MADD: variants seen among roughly 807,000 people sequenced by gnomAD.
The protein encoded by MADD is MAP kinase activating death domain.
A neutral mutation model predicts 176.7 loss-of-function variants in MADD; 109 were observed. That is an observed-to-expected ratio of 0.62 (90% CI 0.53 to 0.72). The LOEUF is 0.72. Ranked by LOEUF, MADD falls within the 30% of genes least tolerant of loss-of-function variation. The pLI, the probability that MADD is intolerant of heterozygous loss-of-function variation, is 0.00. For missense variants in MADD, 1,914 were observed against 2,045.5 expected, an observed-to-expected ratio of 0.94 and a Z score of 1.24; for synonymous variants, 771 against 771.3, an observed-to-expected ratio of 1.00 and a Z score of 0.01.
At chr11:47,327,334 T>C in intron 31 of MADD, 1 of 988,456 alleles carries the variant, frequency 1.0e-6, no homozygotes, top group Non-Finnish European at 1.2e-6. Context: ...GAGCCAGCGC[T>C]AGGGAGTGGT....
chr11:47,275,941 G>A, exon 4 of MADD: 1 of 1,613,734 alleles, frequency 6.2e-7, no homozygotes. Flanking sequence ...TGCTGGTAGA[G>A]GAGAAGTCAA....
rs192160235 is a variant in MADD at position 47,287,232 on chromosome 11, G to A, written c.2653+698G>A. Among the ~76,000 whole-genome samples the A allele has an allele frequency of 8.6e-3, 1,313 of 152,246 alleles. 69 individuals carry two copies. Among genetic ancestry groups the A allele is most frequent in the Admixed American group, 0.076 (1,163 of 15,290 alleles). ...AGCTACTTGGGAGGCTGAGGCAGGA[G>A]AATCGCTTGAATCCAGGAGGCGGAG... On this transcript the variant is annotated intron_variant, in intron 15 of 32. Coordinates refer to ENST00000402192, the Ensembl canonical transcript of MADD.
At position 47,278,294 on chromosome 11, in the gene MADD, G is replaced by T. The variant is rs1323115077; in HGVS notation, c.1209+16G>T. 1 of 1,576,518 alleles carries T rather than the reference G, an allele frequency of 6.3e-7. No homozygotes were observed. The highest frequency in any genetic ancestry group is 1.1e-5 in the South Asian group (1 of 90,234). On this transcript the variant is annotated intron_variant, in intron 6 of 32. Transcript: ENST00000402192. ...CAGCAATAGGGTGAGGTTCTTGGCT[G>T]AGGCATTGTAGAGTCTAGAGGAGGA...
At chr11:47,318,789 ATTTTTTTTTTTTTTTTTTTTTTT>A (rs57548484) in intron 27 of MADD, among the ~76,000 whole-genome samples, 1 of 82,458 alleles carries the variant, frequency 1.2e-5, no homozygotes, top group East Asian at 4.1e-4. Flanking sequence ...CAGTTTGGGA[ATTTTTTTTTTTTTTTTTTTTTTT>A]TTTTTTTTTT....
At chr11:47,295,053 G>A (rs1184140478) in intron 20 of MADD, among the ~76,000 whole-genome samples, 2 of 148,508 alleles carry the variant, frequency 1.3e-5, no homozygotes, top group African/African-American at 5.0e-5. Flanking sequence ...TTCTGTCGCT[G>A]CAGCTGGAGA....
intron 7 of MADD, among the ~76,000 whole-genome samples, chr11:47,281,136 G>A (rs538915557): frequency 5.3e-5 from 8 of 152,354 alleles, no homozygotes; most frequent in Non-Finnish European, 1.0e-4. Context: ...CTGAGGGGCC[G>A]ATTTAGCTTG....
exon 28 of MADD, chr11:47,323,738 A>G (rs199968112): frequency 7.4e-6 from 12 of 1,614,184 alleles, no homozygotes; most frequent in Non-Finnish European, 1.0e-5. Context: ...TGGTACGAGA[A>G]GCTCATCAAC....
At chr11:47,300,853 G>C (rs1287042226) in intron 22 of MADD, among the ~76,000 whole-genome samples, 1 of 152,044 alleles carries the variant, frequency 6.6e-6, no homozygotes, top group African/African-American at 2.4e-5. Flanking sequence ...GACTATTCAG[G>C]TTTCTGTTTC....
exon 3 of MADD, chr11:47,274,975 G>A (rs1360390281): frequency 1.2e-6 from 2 of 1,614,002 alleles, no homozygotes; most frequent in Non-Finnish European, 1.7e-6. Flanking sequence ...GTCTCCTCGG[G>A]GCAAACGCCG....
intron 9 of MADD, 62 bp downstream of exon 9, chr11:47,282,678 A>AT (rs2057800555): frequency 6.3e-7 from 1 of 1,593,676 alleles, no homozygotes; most frequent in Non-Finnish European, 8.6e-7. Context: ...ATGGACTTTG[A>AT]TTTTTCCTTT....
Position 47,324,253 on chromosome 11 carries a change from C to A in MADD, c.4363-12C>A, listed in dbSNP as rs780984999. Reference sequence around the variant, plus strand: ...GCCCTCATGATGGGACCACTCTCCCCCTGTGCCACAGTGTCGGGAGCTGTA... The same window carrying A: ...GCCCTCATGATGGGACCACTCTCCCACTGTGCCACAGTGTCGGGAGCTGTA... On this transcript the variant is annotated splice_polypyrimidine_tract_variant and intron_variant, in intron 28 of 32. Coordinates refer to ENST00000402192, the Ensembl canonical transcript of MADD. The A allele has an allele frequency of 2.5e-6, 4 of 1,613,558 alleles. No individual in the cohort carries two copies. The Admixed American group carries it at 5.0e-5, about 20-fold the overall frequency.
At chr11:47,294,149 A>C (rs933182932) in intron 20 of MADD, among the ~76,000 whole-genome samples, 166 bp downstream of exon 22, 17 of 151,878 alleles carry the variant, frequency 1.1e-4, no homozygotes, top group African/African-American at 4.1e-4. Flanking sequence ...CGGGAGTTCG[A>C]GACCAGCCTG....
chr11:47,300,246 G>C (rs2076609391), intron 22 of MADD, among the ~76,000 whole-genome samples: 1 of 131,482 alleles, frequency 7.6e-6, no homozygotes, highest in Non-Finnish European at 1.6e-5. Flanking sequence ...TTGCTCTGTT[G>C]CCCAGGCTGG....
intron 26 of MADD, among the ~76,000 whole-genome samples, chr11:47,312,362 C>T (rs1281520117): frequency 6.6e-6 from 1 of 152,188 alleles, no homozygotes; most frequent in African/African-American, 2.4e-5. Context: ...GATTCTCATG[C>T]CTCAGCCTCC....
intron 22 of MADD, among the ~76,000 whole-genome samples, chr11:47,301,278 A>G (rs2077584311): frequency 6.6e-6 from 1 of 151,736 alleles, no homozygotes. Flanking sequence ...ACAACCGGCT[A>G]AATTTTTTTT....
At chr11:47,289,234 T>G (rs2063228622) in intron 15 of MADD, among the ~76,000 whole-genome samples, 157 bp from the exon 17 acceptor site, 1 of 152,104 alleles carries the variant, frequency 6.6e-6, no homozygotes, top group South Asian at 2.1e-4. Context: ...TCCTCCACAT[T>G]GCCATGGCTG....
intron 7 of MADD, among the ~76,000 whole-genome samples, chr11:47,280,712 A>C (rs1272978085): frequency 1.3e-5 from 2 of 152,120 alleles, no homozygotes; most frequent in African/African-American, 2.4e-5. Flanking sequence ...TTCCAGGCAC[A>C]CACCACTGTG....
Position 47,325,690 on chromosome 11 carries a change from C to T in MADD, c.4543-1048C>T, listed in dbSNP as rs1290462168. Among the ~76,000 whole-genome samples, 1 of 152,246 alleles carries T rather than the reference C, an allele frequency of 6.6e-6. No individual in the cohort carries two copies. The highest frequency in any genetic ancestry group is 1.5e-5 in the Non-Finnish European group (1 of 68,044). On this transcript the variant is annotated intron_variant, in intron 30 of 32. Transcript: ENST00000402192. This position sits in a 1 kb window ranked among gnomAD's most constrained non-coding sequence, Gnocchi z 4.5. ...GGTCTACCTAAGTGCTTTTCTGGACCACAAAGGTGTCAGTACTTCTTGGGG... is the reference window on the plus strand; with the variant it reads ...GGTCTACCTAAGTGCTTTTCTGGACTACAAAGGTGTCAGTACTTCTTGGGG...
chr11:47,278,362 C>T, intron 6 of MADD, 84 bp downstream of exon 6: 1 of 1,004,746 alleles, frequency 1.0e-6, no homozygotes, highest in Non-Finnish European at 1.6e-6. Flanking sequence ...TTCTAGATTC[C>T]TTTCAGGAAC....
Sources: allele counts gnomAD v4.1 joint callset (sites outside exome capture counted in the v4.1 genomes callset), GRCh38; gene constraint gnomAD v4.1.1; non-coding constraint Gnocchi (gnomAD v3.1); transcripts MANE v1.5; gene names NCBI Gene and HGNC (gene_info 2026-07-23, HGNC 2026-07-21).